SLC9A9: variants seen among roughly 807,000 people sequenced by gnomAD.
SLC9A9 encodes sodium/hydrogen exchanger 9.
Under a neutral mutation model 77.8 loss-of-function variants are expected in SLC9A9, and 62 were observed. The observed-to-expected ratio is 0.80, with a 90% CI of 0.65 to 0.98. SLC9A9 has a LOEUF of 0.98. SLC9A9 is among the 50% of genes least tolerant of loss of function. The pLI is 0.00. For synonymous variants in SLC9A9, 320 were observed against 283.5 expected (o/e 1.13, Z -1.29); for missense variants, 775 against 774.9 (o/e 1.00, Z 0.00).
At chr3:143,531,401 A>G (rs889667369) in intron 9 of SLC9A9, among the ~76,000 whole-genome samples, 25 of 152,178 alleles carry the variant, frequency 1.6e-4, no homozygotes, top group Admixed American at 1.1e-3. Flanking sequence ...GCATCTTTTC[A>G]TGTCTTTGGA....
At chr3:143,758,669 CAGACTGGGGGAA>C (rs2007010396) in intron 4 of SLC9A9, among the ~76,000 whole-genome samples, 1 of 152,080 alleles carries the variant, frequency 6.6e-6, no homozygotes, top group South Asian at 2.1e-4. Flanking sequence ...GGAGAAGACT[CAGACTGGGGGAA>C]AGTCAGGAAG....
intron 6 of SLC9A9, among the ~76,000 whole-genome samples, chr3:143,638,255 A>G (rs2038558702): frequency 6.6e-6 from 1 of 152,246 alleles, no homozygotes; most frequent in South Asian, 2.1e-4. Context: ...ATTAGATCAA[A>G]TTTGACCATT....
At chr3:143,526,754 A>G (rs143327043) in intron 9 of SLC9A9, among the ~76,000 whole-genome samples, 16 of 152,350 alleles carry the variant, frequency 1.1e-4, no homozygotes, top group Middle Eastern at 3.4e-3. Flanking sequence ...CCAGGGTTTG[A>G]GGCTTTGAAA....
In SLC9A9 at chr3:143,537,559, G is replaced by A. The variant is rs558654858; in HGVS notation, c.1089+14803C>T. 3.3e-5 allele frequency among the ~76,000 whole-genome samples: 5 copies of A among 152,322 alleles called. No individual in the cohort carries two copies. In the South Asian group the frequency reaches 8.3e-4, roughly 25 times the overall value. Reference sequence around the variant, plus strand: ...GGCAGCTTAAGCTCCATCTTTGACTGTCTGTCTTGGCTACTTATTTCTCTT... The same window carrying A: ...GGCAGCTTAAGCTCCATCTTTGACTATCTGTCTTGGCTACTTATTTCTCTT... On this transcript the variant is annotated intron_variant, in intron 9 of 15. Coordinates refer to ENST00000316549, the MANE Select transcript of SLC9A9 (RefSeq NM_173653.4).
At chr3:143,268,136 C>A (rs1368143107) in intron 15 of SLC9A9, among the ~76,000 whole-genome samples, 1 of 152,194 alleles carries the variant, frequency 6.6e-6, no homozygotes, top group African/African-American at 2.4e-5. Context: ...GCCAGCTGGA[C>A]ACTTCTAAGG....
At chr3:143,655,681 TACACACACAC>T (rs4024568) in intron 5 of SLC9A9, 29 of 627,104 alleles carry the variant, frequency 4.6e-5, no homozygotes, top group South Asian at 1.5e-4. Context: ...CATGCACATG[TACACACACAC>T]ACACACACAC....
At chr3:143,755,878 T>A (rs1391405297) in intron 4 of SLC9A9, among the ~76,000 whole-genome samples, 1 of 151,996 alleles carries the variant, frequency 6.6e-6, no homozygotes, top group African/African-American at 2.4e-5. Flanking sequence ...AGAGGAAAAG[T>A]GGGAGAGAAT....
intron 14 of SLC9A9, among the ~76,000 whole-genome samples, chr3:143,356,761 C>T (rs535623814): frequency 3.3e-5 from 5 of 152,208 alleles, no homozygotes; most frequent in Admixed American, 6.5e-5. Context: ...CTGATACTCC[C>T]GCTTCCACCC....
At chr3:143,734,373 A>G (rs1415906868) in intron 4 of SLC9A9, among the ~76,000 whole-genome samples, 1 of 152,152 alleles carries the variant, frequency 6.6e-6, no homozygotes, top group Non-Finnish European at 1.5e-5. Flanking sequence ...CTGTGTGTTT[A>G]TAAAATGTAT....
chr3:143,527,952 G>A (rs748082418), intron 9 of SLC9A9, among the ~76,000 whole-genome samples: 1 of 152,236 alleles, frequency 6.6e-6, no homozygotes, highest in Non-Finnish European at 1.5e-5. Context: ...AGGCTGGATC[G>A]TGATACAGCC....
Position 143,406,592 on chromosome 3 carries a change from C to T in SLC9A9, c.1470-24478G>A, listed in dbSNP as rs375498806. Among the ~76,000 whole-genome samples the T allele has an allele frequency of 9.9e-5, 15 of 152,170 alleles. No homozygotes were observed. In the East Asian group the frequency reaches 2.5e-3, roughly 26 times the overall value. On this transcript the variant is annotated intron_variant, in intron 12 of 15. Coordinates refer to ENST00000316549, the MANE Select transcript of SLC9A9 (RefSeq NM_173653.4). ...GTCAAGCTGGTCTTGAACTCCTGAC[C>T]TCAGGTTTTTCCTGTATCTTAAAAA...
chr3:143,304,465 G>A (rs150095621), intron 14 of SLC9A9, among the ~76,000 whole-genome samples: 27 of 152,318 alleles, frequency 1.8e-4, no homozygotes, highest in African/African-American at 6.5e-4. Flanking sequence ...ATAAGTTTGA[G>A]TTTTACAAGA....
chr3:143,663,326 A>T (rs2108757839), intron 5 of SLC9A9, among the ~76,000 whole-genome samples: 1 of 152,348 alleles, frequency 6.6e-6, no homozygotes, highest in South Asian at 2.1e-4. Flanking sequence ...ATCATCAAAG[A>T]CCAAACATAG....
chr3:143,838,008 G>A (rs1274556006), intron 1 of SLC9A9, among the ~76,000 whole-genome samples: 1 of 151,598 alleles, frequency 6.6e-6, no homozygotes, highest in Non-Finnish European at 1.5e-5. Context: ...TAGAGTTGAA[G>A]ACTACTCTTC....
At chr3:143,833,022 C>T (rs1279479143) in intron 1 of SLC9A9, among the ~76,000 whole-genome samples, 5 of 152,132 alleles carry the variant, frequency 3.3e-5, no homozygotes, top group Admixed American at 6.6e-5. Flanking sequence ...AAGTGACAAT[C>T]CTTGAATTTT....
intron 14 of SLC9A9, among the ~76,000 whole-genome samples, chr3:143,353,759 A>C (rs2032522580): frequency 6.6e-6 from 1 of 152,192 alleles, no homozygotes; most frequent in Non-Finnish European, 1.5e-5. Flanking sequence ...AAGGCAGAAG[A>C]CTTTTTTCCC....
intron 9 of SLC9A9, among the ~76,000 whole-genome samples, chr3:143,498,599 A>G (rs1003243205): frequency 5.9e-5 from 9 of 151,948 alleles, no homozygotes; most frequent in African/African-American, 2.2e-4. Flanking sequence ...AGAGAAGGAA[A>G]GAAAAAAAAG....
chr3:143,714,296 C>G (rs1245750239), intron 4 of SLC9A9, among the ~76,000 whole-genome samples: 1 of 152,142 alleles, frequency 6.6e-6, no homozygotes, highest in Non-Finnish European at 1.5e-5. Context: ...GGCTCTTATC[C>G]AGAACCCTGG....
At chr3:143,276,849 AGT>A (rs1491531688) in intron 14 of SLC9A9, among the ~76,000 whole-genome samples, 1 of 136,130 alleles carries the variant, frequency 7.3e-6, no homozygotes, top group Admixed American at 6.8e-5. Flanking sequence ...CATTTCAGAG[AGT>A]TTTCAGATGC....
Sources: gnomAD v4.1 joint callset for allele counts (sites outside exome capture counted in the v4.1 genomes callset) on GRCh38, gnomAD v4.1.1 for gene constraint, MANE v1.5 for transcripts, NCBI Gene and HGNC (gene_info 2026-07-23, HGNC 2026-07-21) for gene names.